Variants in NUFIP1 observed in about 807,000 individuals in gnomAD.
The protein encoded by NUFIP1 is FMR1-interacting protein NUFIP1.
Under a neutral mutation model 56.2 loss-of-function variants are expected in NUFIP1, and 38 were observed. The observed-to-expected ratio is 0.68, with a 90% confidence interval of 0.52 to 0.89. The LOEUF is 0.89. Ranked by LOEUF, NUFIP1 falls within the 40% of genes least tolerant of loss-of-function variation. The pLI is 0.00. For synonymous variants in NUFIP1, 215 were observed against 212.4 expected, an observed-to-expected ratio of 1.01 and a Z score of -0.10; for missense variants, 567 against 605.8, an observed-to-expected ratio of 0.94 and a Z score of 0.67.
At position 44,980,708 on chromosome 13, in the gene NUFIP1, C is replaced by G; in HGVS notation, c.594+14G>C. The stretch of plus-strand genomic sequence containing the variant: ...AATTGCTACATCAGTTTCAGGACAA[C>G]TAAGAAAACCTACTTTTGTATGTTC... On this transcript the variant is annotated intron_variant, in intron 3 of 9. Transcript: ENST00000379161. 6 of 1,558,638 alleles carry G rather than the reference C, an allele frequency of 3.8e-6. No homozygotes were observed. Among genetic ancestry groups the G allele is most frequent in the Non-Finnish European group, 5.2e-6 (6 of 1,144,510 alleles).
At chr13:44,964,533 C>A (rs934212123) in intron 6 of NUFIP1, among the ~76,000 whole-genome samples, 3 of 152,108 alleles carry the variant, frequency 2.0e-5, no homozygotes, top group Non-Finnish European at 4.4e-5. Flanking sequence ...CTGGTAGAAT[C>A]CCTGAATTGA....
intron 7 of NUFIP1, among the ~76,000 whole-genome samples, chr13:44,957,127 G>A (rs185535060): frequency 5.2e-4 from 79 of 152,178 alleles, no homozygotes; most frequent in African/African-American, 1.8e-3. Context: ...TTTGACACTC[G>A]AAATAGGCAT....
At chr13:44,977,980 T>C (rs1298190115) in intron 5 of NUFIP1, among the ~76,000 whole-genome samples, 1 of 152,168 alleles carries the variant, frequency 6.6e-6, no homozygotes, top group Non-Finnish European at 1.5e-5. Flanking sequence ...AACCAGCAGG[T>C]GGAGGTTGCA....
intron 8 of NUFIP1, among the ~76,000 whole-genome samples, chr13:44,947,895 G>A (rs1870949690): frequency 6.6e-6 from 1 of 152,082 alleles, no homozygotes; most frequent in South Asian, 2.1e-4. Context: ...CATCTGTTAA[G>A]GAATACTGTG....
At chr13:44,981,397 G>A (rs73179691) in intron 2 of NUFIP1, among the ~76,000 whole-genome samples, 14,474 of 151,930 alleles carry the variant, frequency 0.095, 952 homozygotes, top group Non-Finnish European at 0.15. Flanking sequence ...TATACTAACC[G>A]ACTATTTATG....
Position 44,989,401 on chromosome 13 carries a change from G to T in NUFIP1, c.36C>A (p.Ile12=), listed in dbSNP as rs1163095655. The T allele has an allele frequency of 6.2e-7, 1 of 1,613,498 alleles. No individual in the cohort carries two copies. Residue 12 remains isoleucine (I), a synonymous_variant, in exon 1 of 10, where the codon ATC becomes ATA. Transcript: ENST00000379161. ...TCAGCTCGGGAGACGCATGCCACCCGATAGGAGTCTCGAAATCACTAGTCG... is the reference window on the plus strand; with the variant it reads ...TCAGCTCGGGAGACGCATGCCACCCTATAGGAGTCTCGAAATCACTAGTCG... ...AEPTSDFETP[I]GWHASPELTP...
intron 9 of NUFIP1, among the ~76,000 whole-genome samples, chr13:44,942,509 C>A (rs996971065): frequency 2.0e-5 from 3 of 152,150 alleles, no homozygotes; most frequent in Admixed American, 2.0e-4. Context: ...ACATGTAGCA[C>A]CTCAAGAGTG....
intron 5 of NUFIP1, among the ~76,000 whole-genome samples, chr13:44,976,551 T>A (rs1871988848): frequency 6.6e-6 from 1 of 152,112 alleles, no homozygotes. Flanking sequence ...AAACATTTTT[T>A]AAAAAGTCCA....
At chr13:44,965,053 C>T (rs925058302) in intron 6 of NUFIP1, among the ~76,000 whole-genome samples, 1 of 152,112 alleles carries the variant, frequency 6.6e-6, no homozygotes, top group Non-Finnish European at 1.5e-5. Context: ...TGAATTGTAA[C>T]TCCCACAATC....
rs368178633 is a variant in NUFIP1 at position 44,989,198 on chromosome 13, G to T, written c.239C>A (p.Pro80His). 7.4e-6 allele frequency: 12 copies of T among 1,611,838 alleles called. No homozygotes were observed. In the Admixed American group the frequency reaches 1.0e-4, roughly 14 times the overall value. Residue 80 changes from proline (P) to histidine (H), a missense_variant, in exon 1 of 10, where the codon CCC (proline) becomes CAC (histidine). By Grantham distance (77) the Pro-to-His change is moderately conservative. Coordinates refer to ENST00000379161, the MANE Select transcript of NUFIP1 (RefSeq NM_012345.3). ...EAQSLPGAPP[P>H]FDAQILPGAQ... is the part of the protein sequence containing the mutation. Reference sequence around the variant, plus strand: ...CCCGGGAAGAATCTGGGCGTCGAAGGGGGGCGGAGCCCCGGGGAGAGACTG... The same window carrying T: ...CCCGGGAAGAATCTGGGCGTCGAAGTGGGGCGGAGCCCCGGGGAGAGACTG...
intron 8 of NUFIP1, among the ~76,000 whole-genome samples, chr13:44,949,509 AT>A (rs1224352351): frequency 6.6e-6 from 1 of 152,044 alleles, no homozygotes; most frequent in Non-Finnish European, 1.5e-5. Flanking sequence ...CCTATATTGT[AT>A]TTTTTTGCCT....
chr13:44,960,881 C>T (rs538999072), intron 6 of NUFIP1, among the ~76,000 whole-genome samples: 2 of 151,830 alleles, frequency 1.3e-5, no homozygotes, highest in South Asian at 2.1e-4. Context: ...TGGGCAACTT[C>T]GTCTCTACTA....
At chr13:44,964,663 T>C (rs1244110724) in intron 6 of NUFIP1, among the ~76,000 whole-genome samples, 1 of 152,156 alleles carries the variant, frequency 6.6e-6, no homozygotes, top group Non-Finnish European at 1.5e-5. Flanking sequence ...TACCCTGGAC[T>C]ATTTAGCAGA....
At chr13:44,980,017 C>T in intron 3 of NUFIP1, 65 bp from the exon 4 acceptor site, 1 of 1,143,020 alleles carries the variant, frequency 8.7e-7, no homozygotes, top group East Asian at 2.4e-5. Context: ...ATTTACCCCA[C>T]TATACATACA....
At chr13:44,961,069 A>G (rs974155713) in intron 6 of NUFIP1, among the ~76,000 whole-genome samples, 212 of 152,002 alleles carry the variant, frequency 1.4e-3, no homozygotes, top group African/African-American at 2.3e-3. Flanking sequence ...AAAAAAAAAA[A>G]AAAGAAAGCA....
rs181054501 is a variant in NUFIP1 at position 44,960,815 on chromosome 13, C to T, written c.828-1241G>A. Among the ~76,000 whole-genome samples, 651 of 152,212 alleles carry T rather than the reference C, an allele frequency of 4.3e-3. 2 individuals are homozygous for T. Among genetic ancestry groups the T allele is most frequent in the African/African-American group, 0.015 (603 of 41,534 alleles). On this transcript the variant is annotated intron_variant, in intron 6 of 9. Coordinates refer to ENST00000379161, the MANE Select transcript of NUFIP1 (RefSeq NM_012345.3). The stretch of plus-strand genomic sequence containing the variant: ...CGGTGGCTCACGCCTTTAATTTCAG[C>T]ACTTTGGGAGGCCAAGGTGGGCGGA...
chr13:44,987,238 C>A (rs1044941790), intron 1 of NUFIP1, among the ~76,000 whole-genome samples: 1 of 152,064 alleles, frequency 6.6e-6, no homozygotes, highest in Non-Finnish European at 1.5e-5. Context: ...ATTAGCCAGG[C>A]ATGGTGGCGG....
chr13:44,967,323 C>T (rs529321561), intron 5 of NUFIP1, among the ~76,000 whole-genome samples: 36 of 152,092 alleles, frequency 2.4e-4, no homozygotes, highest in Middle Eastern at 3.4e-3. Context: ...GCCTGGCCAA[C>T]ACAGTGAAAC....
At chr13:44,970,763 C>G (rs1048284607) in intron 5 of NUFIP1, among the ~76,000 whole-genome samples, 4 of 152,172 alleles carry the variant, frequency 2.6e-5, no homozygotes, top group Non-Finnish European at 4.4e-5. Context: ...CAGTCTCTGC[C>G]TTCTGGGTTC....
Sources: allele counts gnomAD v4.1 joint callset (sites outside exome capture counted in the v4.1 genomes callset), GRCh38; gene constraint gnomAD v4.1.1; transcripts MANE v1.5; gene names NCBI Gene and HGNC (gene_info 2026-07-23, HGNC 2026-07-21).